The following ALG9 variants were observed in gnomAD, a reference collection of about 807,000 sequenced individuals.
ALG9 encodes ALG9 alpha-1,2-mannosyltransferase.
In ALG9, 55 loss-of-function variants were observed where a neutral mutation model predicts 81.8. That is an observed-to-expected ratio of 0.67 (90% CI 0.54 to 0.84). ALG9 has a LOEUF of 0.84. ALG9 is among the 40% of genes least tolerant of loss of function. The pLI, the probability that ALG9 is intolerant of heterozygous loss-of-function variation, is 0.00. For missense variants in ALG9, 629 were observed against 745.0 expected (o/e 0.84, Z 1.81); for synonymous variants, 278 against 274.3 (o/e 1.01, Z -0.13).
chr11:111,807,548 T>C (rs2136391039), intron 14 of ALG9, among the ~76,000 whole-genome samples: 1 of 152,364 alleles, frequency 6.6e-6, no homozygotes, highest in East Asian at 1.9e-4. Flanking sequence ...CATCCTCTAA[T>C]ATACTATATA....
At chr11:111,860,712 C>T (rs1292512465) in intron 4 of ALG9, 77 bp from the exon 5 acceptor site, 3 of 1,067,052 alleles carry the variant, frequency 2.8e-6, no homozygotes, top group African/African-American at 1.6e-5. Flanking sequence ...AAAACACGTA[C>T]CACAGATAAC....
intron 13 of ALG9, among the ~76,000 whole-genome samples, chr11:111,812,849 A>G (rs1555092790): frequency 7.0e-6 from 1 of 142,448 alleles, no homozygotes; most frequent in African/African-American, 2.6e-5. Flanking sequence ...CCCCGGAGGC[A>G]GTGGCTGCAG....
intron 14 of ALG9, chr11:111,788,406 T>C (rs1555067125): frequency 2.2e-6 from 1 of 453,974 alleles, no homozygotes; most frequent in Admixed American, 2.3e-5. Flanking sequence ...GCAGGGCTCC[T>C]ATAAATAAAA....
Position 111,864,679 on chromosome 11 carries a change from C to A in ALG9, c.476+502G>T, listed in dbSNP as rs1180365759. Among the ~76,000 whole-genome samples the A allele has an allele frequency of 8.6e-5, 13 of 150,460 alleles. 1 individual carries two copies. The highest frequency in any genetic ancestry group is 2.7e-4 in the African/African-American group (11 of 40,808). On this transcript the variant is annotated intron_variant, in intron 4 of 14. Coordinates refer to ENST00000616540, the MANE Select transcript of ALG9 (RefSeq NM_024740.2). ...TTTTATCCACACTGGCAGCAGCATACAATAAAACTCAGTATGAAAAAAAAA... is the reference window on the plus strand; with the variant it reads ...TTTTATCCACACTGGCAGCAGCATAAAATAAAACTCAGTATGAAAAAAAAA...
chr11:111,871,453 C>G lies in ALG9; in HGVS notation c.30G>C (p.Leu10=), dbSNP rs1964267554. Residue 10 remains leucine (L), a synonymous_variant, in exon 1 of 15, where the codon CTG becomes CTC. Coordinates refer to ENST00000616540, the MANE Select transcript of ALG9 (RefSeq NM_024740.2). ...CCCCACTGCTGGCCCCGCTGCCCTTCAGGCGCTGCCGAGCCCCTCGACTAG... is the reference window on the plus strand; with the variant it reads ...CCCCACTGCTGGCCCCGCTGCCCTTGAGGCGCTGCCGAGCCCCTCGACTAG... The part of the protein sequence containing the change: MASRGARQR[L]KGSGASSGDT... The G allele has an allele frequency of 2.0e-6, 3 of 1,536,748 alleles. No homozygotes were observed. The African/African-American group carries it at 4.1e-5, about 21-fold the overall frequency.
intron 14 of ALG9, among the ~76,000 whole-genome samples, chr11:111,789,806 G>A (rs2136214202): frequency 6.7e-6 from 1 of 149,596 alleles, no homozygotes; most frequent in South Asian, 2.1e-4. Flanking sequence ...GGTGACAGAG[G>A]GAGACTCTGT....
intron 13 of ALG9, among the ~76,000 whole-genome samples, chr11:111,835,067 A>C (rs1955004911): frequency 6.6e-6 from 1 of 150,586 alleles, no homozygotes; most frequent in South Asian, 2.1e-4. Context: ...TCTGGGAGAC[A>C]AAAGACCAGA....
intron 14 of ALG9, among the ~76,000 whole-genome samples, chr11:111,794,815 A>G (rs1555073782): frequency 6.6e-6 from 1 of 152,176 alleles, no homozygotes; most frequent in African/African-American, 2.4e-5. Context: ...TTTCAGTGAG[A>G]GATTTTCTAC....
chr11:111,815,416 A>G (rs139049275), intron 13 of ALG9, among the ~76,000 whole-genome samples: 314 of 152,304 alleles, frequency 2.1e-3, no homozygotes, highest in African/African-American at 7.4e-3. Context: ...AACTAAAAAA[A>G]AGAAAGACAC....
At chr11:111,773,030 A>C in the ALG9 span, among the ~76,000 whole-genome samples, 1 of 152,008 alleles carries the variant, frequency 6.6e-6, no homozygotes, top group African/African-American at 2.4e-5. Flanking sequence ...CGAGGTCAGG[A>C]GATCGAGACC....
At chr11:111,811,985 T>C (rs1676012923) in intron 13 of ALG9, among the ~76,000 whole-genome samples, 1 of 152,178 alleles carries the variant, frequency 6.6e-6, no homozygotes, top group African/African-American at 2.4e-5. Flanking sequence ...TGATTAAAAT[T>C]GTAAATTTTG....
chr11:111,815,557 T>C (rs1311785211), intron 13 of ALG9, among the ~76,000 whole-genome samples: 1 of 152,122 alleles, frequency 6.6e-6, no homozygotes, highest in African/African-American at 2.4e-5. Context: ...AGAAAATGAT[T>C]AGGTATGATC....
intron 14 of ALG9, among the ~76,000 whole-genome samples, chr11:111,801,603 A>T (rs1186631085): frequency 6.6e-6 from 1 of 152,230 alleles, no homozygotes; most frequent in Non-Finnish European, 1.5e-5. Context: ...GAAATTTTGG[A>T]ATCAGAATGG....
intron 8 of ALG9, among the ~76,000 whole-genome samples, chr11:111,850,699 A>G (rs1957640488): frequency 2.3e-5 from 3 of 128,896 alleles, no homozygotes; most frequent in African/African-American, 8.4e-5. Context: ...AGAGCGAGAT[A>G]CTGTCTCAAA....
intron 14 of ALG9, chr11:111,798,159 T>C (rs1555077087): frequency 3.7e-6 from 1 of 270,404 alleles, no homozygotes; most frequent in Non-Finnish European, 7.5e-6. Context: ...ACAGAGATTG[T>C]GTCACTGCAC....
At chr11:111,846,489 T>A (rs1956968087) in intron 8 of ALG9, among the ~76,000 whole-genome samples, 2 of 152,242 alleles carry the variant, frequency 1.3e-5, no homozygotes, top group South Asian at 4.1e-4. Flanking sequence ...TACAGCTATC[T>A]TTTTATCTAG....
At chr11:111,823,478 AAC>A (rs1555105809) in intron 13 of ALG9, among the ~76,000 whole-genome samples, 1 of 152,196 alleles carries the variant, frequency 6.6e-6, no homozygotes, top group Admixed American at 6.5e-5. Flanking sequence ...TTTAGTACTG[AAC>A]ACAGTTACAT....
chr11:111,862,505 A>AT (rs1960640053), intron 4 of ALG9, among the ~76,000 whole-genome samples: 2 of 151,286 alleles, frequency 1.3e-5, no homozygotes, highest in African/African-American at 4.8e-5. Flanking sequence ...AAGTGCTGGG[A>AT]TTACAGGCAT....
At chr11:111,850,729 A>C in intron 8 of ALG9, among the ~76,000 whole-genome samples, 1 of 145,854 alleles carries the variant, frequency 6.9e-6, no homozygotes, top group African/African-American at 2.5e-5. Context: ...AAAAAATCAG[A>C]CAAAAATTTT....
Sources: allele counts gnomAD v4.1 joint callset (sites outside exome capture counted in the v4.1 genomes callset), GRCh38; gene constraint gnomAD v4.1.1; transcripts MANE v1.5; gene names NCBI Gene and HGNC (gene_info 2026-07-23, HGNC 2026-07-21).